The following RANBP2 variants were observed in gnomAD, a reference collection of about 807,000 sequenced individuals.
RANBP2 encodes E3 SUMO-protein ligase RanBP2.
A neutral mutation model predicts 303.6 loss-of-function variants in RANBP2; 57 were observed. The observed-to-expected ratio is 0.19, with a 90% CI of 0.15 to 0.23. RANBP2 has a LOEUF of 0.23. Among genes scored for constraint, RANBP2 ranks in the 10% least tolerant of loss-of-function variants. The probability of loss-of-function intolerance (pLI) is 1.00; values close to 1 mark genes in which losing one functional copy is unlikely to be tolerated. For synonymous variants in RANBP2, 1,167 were observed against 1,301.5 expected (o/e 0.90, Z 2.23); for missense variants, 3,138 against 3,780.8 (o/e 0.83, Z 4.46).
the RANBP2 span, among the ~76,000 whole-genome samples, chr2:108,933,090 T>A: frequency 6.6e-6 from 1 of 152,198 alleles, no homozygotes; most frequent in African/African-American, 2.4e-5. Flanking sequence ...TTCAGTTTCC[T>A]GGAACACCAA....
chr2:109,294,297 A>G, the RANBP2 span, among the ~76,000 whole-genome samples: 3 of 152,134 alleles, frequency 2.0e-5, no homozygotes, highest in Non-Finnish European at 2.9e-5. Flanking sequence ...TGCGGTGGTC[A>G]TGCCTGTAAT....
At chr2:108,780,766 A>G (rs1455566152) in intron 25 of RANBP2, among the ~76,000 whole-genome samples, 6 of 148,302 alleles carry the variant, frequency 4.0e-5, no homozygotes, top group Non-Finnish European at 9.0e-5. Flanking sequence ...CTGGAGTGCA[A>G]TGGTGCCATC....
the RANBP2 span, chr2:108,798,512 A>C: frequency 1.2e-6 from 2 of 1,614,018 alleles, no homozygotes; most frequent in East Asian, 4.5e-5. Flanking sequence ...ACTGCTTTTC[A>C]GACATGAAAA....
At chr2:109,255,138 G>C in the RANBP2 span, among the ~76,000 whole-genome samples, 31 of 152,270 alleles carry the variant, frequency 2.0e-4, no homozygotes, top group African/African-American at 6.5e-4. Flanking sequence ...GTGTGTGTCT[G>C]TGTGTGTACA....
chr2:108,773,710 G>A (rs908666069), intron 23 of RANBP2, among the ~76,000 whole-genome samples: 3 of 151,530 alleles, frequency 2.0e-5, no homozygotes, highest in Admixed American at 1.3e-4. Context: ...GCAGTGGGGC[G>A]ATCTCTGCTC....
chr2:108,960,878 C>T, the RANBP2 span, among the ~76,000 whole-genome samples: 2 of 152,186 alleles, frequency 1.3e-5, no homozygotes. Flanking sequence ...TATAGTATTC[C>T]ACCATGTGGA....
the RANBP2 span, among the ~76,000 whole-genome samples, chr2:108,957,668 C>G: frequency 6.6e-6 from 1 of 152,260 alleles, no homozygotes; most frequent in Non-Finnish European, 1.5e-5. Context: ...GCCTTACAAA[C>G]TATTTGATGT....
the RANBP2 span, among the ~76,000 whole-genome samples, chr2:108,809,482 GTGTGTGA>G: frequency 1.3e-5 from 2 of 150,026 alleles, no homozygotes; most frequent in African/African-American, 5.0e-5. Context: ...GTGTGTGTGT[GTGTGTGA>G]TCTTCAGTTT....
the RANBP2 span, among the ~76,000 whole-genome samples, chr2:108,992,853 G>A: frequency 2.6e-5 from 4 of 152,126 alleles, no homozygotes; most frequent in Non-Finnish European, 4.4e-5. Flanking sequence ...GACTGACCTG[G>A]CCTGGCTTCT....
the RANBP2 span, among the ~76,000 whole-genome samples, chr2:109,719,070 G>T: frequency 6.7e-6 from 1 of 149,038 alleles, no homozygotes. Flanking sequence ...GCCTGAGTGG[G>T]TAAATTGTGT....
chr2:109,731,167 T>C, the RANBP2 span, among the ~76,000 whole-genome samples: 1 of 152,150 alleles, frequency 6.6e-6, no homozygotes, highest in South Asian at 2.1e-4. Context: ...CATCTTCACC[T>C]GGGGTTTAGG....
At chr2:109,096,707 T>C in the RANBP2 span, among the ~76,000 whole-genome samples, 1 of 152,282 alleles carries the variant, frequency 6.6e-6, no homozygotes, top group East Asian at 1.9e-4. Flanking sequence ...AACTAATATT[T>C]TTTTTGCTTT....
chr2:109,434,679 G>A, the RANBP2 span, among the ~76,000 whole-genome samples: 2 of 152,146 alleles, frequency 1.3e-5, no homozygotes, highest in African/African-American at 4.8e-5. Context: ...TGCTGTAGTC[G>A]GGATGGACAG....
the RANBP2 span, among the ~76,000 whole-genome samples, chr2:108,967,810 G>GTT: frequency 6.6e-6 from 1 of 152,254 alleles, no homozygotes; most frequent in Admixed American, 6.5e-5. Flanking sequence ...TAAAAGGAAA[G>GTT]TAAGAACCCA....
At chr2:108,930,830 T>C in the RANBP2 span, 1 of 1,020,948 alleles carries the variant, frequency 9.8e-7, no homozygotes, top group Admixed American at 1.8e-5. Context: ...CCTGGTTTCA[T>C]TTCACCCTCA....
At chr2:108,798,435 C>T in the RANBP2 span, 1 of 1,612,234 alleles carries the variant, frequency 6.2e-7, no homozygotes, top group Non-Finnish European at 8.5e-7. Flanking sequence ...CAGTGTGAAA[C>T]TGCAGCACAA....
chr2:109,387,381 C>A, the RANBP2 span, among the ~76,000 whole-genome samples: 1 of 152,202 alleles, frequency 6.6e-6, no homozygotes, highest in Admixed American at 6.5e-5. Context: ...CTCCCAGGGG[C>A]CCAGAAGCTT....
At chr2:109,079,350 T>A in the RANBP2 span, among the ~76,000 whole-genome samples, 3 of 152,300 alleles carry the variant, frequency 2.0e-5, no homozygotes, top group East Asian at 5.8e-4. Flanking sequence ...ATGAATTGAC[T>A]GTTTGTGTTA....
chr2:108,923,823 A>G, the RANBP2 span, among the ~76,000 whole-genome samples: 1 of 152,170 alleles, frequency 6.6e-6, no homozygotes, highest in Non-Finnish European at 1.5e-5. Flanking sequence ...CCAAGGCCAG[A>G]CCTTCCTGGA....
Sources: allele counts gnomAD v4.1 joint callset (sites outside exome capture counted in the v4.1 genomes callset), GRCh38; gene constraint gnomAD v4.1.1; transcripts MANE v1.5; gene names NCBI Gene and HGNC (gene_info 2026-07-23, HGNC 2026-07-21).